EPHA3: variants seen among roughly 807,000 people sequenced by gnomAD.
EPHA3 encodes the protein ephrin type-A receptor 3.
A neutral mutation model predicts 107.1 loss-of-function variants in EPHA3; 42 were observed. That is an observed-to-expected ratio of 0.39 (90% CI 0.31 to 0.51). The LOEUF (loss-of-function observed/expected upper bound fraction) is 0.51. Ranked by LOEUF, EPHA3 falls within the 20% of genes least tolerant of loss-of-function variation. The probability of loss-of-function intolerance (pLI) is 0.78; values close to 1 mark genes in which losing one functional copy is unlikely to be tolerated. For synonymous variants in EPHA3, 461 were observed against 424.8 expected (o/e 1.09, Z -1.05); for missense variants, 1,183 against 1,211.2 (o/e 0.98, Z 0.35).
intron 15 of EPHA3, among the ~76,000 whole-genome samples, chr3:89,468,714 T>C (rs1576394290): frequency 6.6e-6 from 1 of 152,174 alleles, no homozygotes; most frequent in Admixed American, 6.5e-5. Flanking sequence ...AATGCTATTC[T>C]TATCAATTTT....
intron 7 of EPHA3, among the ~76,000 whole-genome samples, 156 bp from the exon 8 acceptor site, chr3:89,407,113 A>C (rs910201933): frequency 6.6e-6 from 1 of 152,210 alleles, no homozygotes; most frequent in African/African-American, 2.4e-5. Context: ...TTAAACATTA[A>C]GTAAAGAATA....
At chr3:89,264,684 T>G (rs1488057630) in intron 3 of EPHA3, among the ~76,000 whole-genome samples, 1 of 152,158 alleles carries the variant, frequency 6.6e-6, no homozygotes, top group Non-Finnish European at 1.5e-5. Flanking sequence ...ATGTCTTATT[T>G]GCTGTTACAT....
At chr3:89,383,900 G>A (rs918458237) in intron 5 of EPHA3, among the ~76,000 whole-genome samples, 3 of 151,574 alleles carry the variant, frequency 2.0e-5, no homozygotes, top group East Asian at 2.0e-4. Context: ...TGCCCACCTC[G>A]GCCCCCCAAA....
intron 5 of EPHA3, among the ~76,000 whole-genome samples, chr3:89,361,606 G>A (rs1708092257): frequency 6.6e-6 from 1 of 151,054 alleles, no homozygotes; most frequent in Non-Finnish European, 1.5e-5. Context: ...ATGTTTCACA[G>A]TTTAGTCTAG....
chr3:89,369,905 A>G (rs577187498), intron 5 of EPHA3, among the ~76,000 whole-genome samples: 1 of 150,978 alleles, frequency 6.6e-6, no homozygotes, highest in East Asian at 1.9e-4. Flanking sequence ...CACATGAAAA[A>G]ATGCTCACCA....
At chr3:89,158,095 A>G (rs1704846181) in intron 2 of EPHA3, among the ~76,000 whole-genome samples, 1 of 152,140 alleles carries the variant, frequency 6.6e-6, no homozygotes, top group Non-Finnish European at 1.5e-5. Context: ...ATTCATTTGA[A>G]TCTACAAGAT....
chr3:89,235,257 C>T (rs543014611), intron 3 of EPHA3, among the ~76,000 whole-genome samples: 1 of 152,026 alleles, frequency 6.6e-6, no homozygotes, highest in South Asian at 2.1e-4. Context: ...TCCTGACACT[C>T]ACTGATAGAT....
chr3:89,301,456 CAG>C (rs1485008440), intron 3 of EPHA3, among the ~76,000 whole-genome samples: 1 of 152,050 alleles, frequency 6.6e-6, no homozygotes, highest in Non-Finnish European at 1.5e-5. Flanking sequence ...TTACTAGACA[CAG>C]GGGGTTAATA....
intron 5 of EPHA3, among the ~76,000 whole-genome samples, chr3:89,348,067 T>C (rs936893677): frequency 3.3e-5 from 5 of 150,022 alleles, no homozygotes. Flanking sequence ...GATATTGGTC[T>C]AAAATTCTCT....
chr3:89,334,023 G>T (rs1707345988), intron 3 of EPHA3, among the ~76,000 whole-genome samples: 1 of 152,062 alleles, frequency 6.6e-6, no homozygotes, highest in African/African-American at 2.4e-5. Flanking sequence ...AAATAATTTT[G>T]ATTGATGTTA....
chr3:89,435,842 A>G (rs1559695698), intron 13 of EPHA3, among the ~76,000 whole-genome samples: 1 of 150,644 alleles, frequency 6.6e-6, no homozygotes, highest in Non-Finnish European at 1.5e-5. Context: ...AATCCCAGCT[A>G]CTTGGGAGGC....
intron 2 of EPHA3, among the ~76,000 whole-genome samples, chr3:89,151,853 T>C (rs1704696967): frequency 6.6e-6 from 1 of 152,044 alleles, no homozygotes; most frequent in Non-Finnish European, 1.5e-5. Flanking sequence ...CATTTTGTGG[T>C]CTGGCATGAC....
chr3:89,383,954 C>T (rs903924506), intron 5 of EPHA3, among the ~76,000 whole-genome samples: 4 of 151,838 alleles, frequency 2.6e-5, no homozygotes, highest in African/African-American at 7.2e-5. Flanking sequence ...AGCCAGTCAG[C>T]CAATTTCTAA....
At chr3:89,354,327 T>C (rs901292917) in intron 5 of EPHA3, among the ~76,000 whole-genome samples, 3 of 151,244 alleles carry the variant, frequency 2.0e-5, no homozygotes, top group Non-Finnish European at 4.4e-5. Flanking sequence ...AGCAGATATA[T>C]TACTACCACT....
chr3:89,381,560 TG>T (rs2107485377), intron 5 of EPHA3, among the ~76,000 whole-genome samples: 1 of 151,700 alleles, frequency 6.6e-6, no homozygotes, highest in East Asian at 2.0e-4. Context: ...TTCCATCTAC[TG>T]GGGAGGCTGA....
intron 2 of EPHA3, among the ~76,000 whole-genome samples, chr3:89,169,815 GT>G (rs1316171962): frequency 6.6e-6 from 1 of 151,826 alleles, no homozygotes; most frequent in Non-Finnish European, 1.5e-5. Context: ...CCTTAATTTT[GT>G]TTTTTTGTTC....
intron 3 of EPHA3, among the ~76,000 whole-genome samples, chr3:89,310,221 T>C (rs994330377): frequency 6.6e-6 from 1 of 151,890 alleles, no homozygotes; most frequent in African/African-American, 2.4e-5. Context: ...AAAAGGCAAG[T>C]GAGTAAAAAG....
At chr3:89,343,383 A>T (rs1230692277) in intron 5 of EPHA3, among the ~76,000 whole-genome samples, 3 of 152,208 alleles carry the variant, frequency 2.0e-5, no homozygotes, top group Non-Finnish European at 2.9e-5. Flanking sequence ...CCTGCAGGTT[A>T]TTACAGAAAT....
chr3:89,448,314 A>G (rs1252923372), intron 13 of EPHA3, among the ~76,000 whole-genome samples: 2 of 152,188 alleles, frequency 1.3e-5, no homozygotes, highest in Admixed American at 1.3e-4. Flanking sequence ...GCAATGTGCT[A>G]GATACCTATT....
Sources: gnomAD v4.1 joint callset for allele counts (sites outside exome capture counted in the v4.1 genomes callset) on GRCh38, gnomAD v4.1.1 for gene constraint, MANE v1.5 for transcripts, NCBI Gene and HGNC (gene_info 2026-07-23, HGNC 2026-07-21) for gene names.